UBE4B: variants seen among roughly 807,000 people sequenced by gnomAD.
UBE4B encodes the protein ubiquitination factor E4B.
UBE4B carries 27 observed loss-of-function variants against 148.1 expected under a neutral mutation model. The observed-to-expected ratio is 0.18, with a 90% CI of 0.13 to 0.25. The LOEUF (loss-of-function observed/expected upper bound fraction) is 0.25, where lower values mean the gene tolerates loss of function less well. Ranked by LOEUF, UBE4B falls within the 10% of genes least tolerant of loss-of-function variation. The pLI, the probability that UBE4B is intolerant of heterozygous loss-of-function variation, is 1.00. For synonymous variants in UBE4B, 596 were observed against 619.3 expected (o/e 0.96, Z 0.56); for missense variants, 1,170 against 1,662.4 (o/e 0.70, Z 5.15).
chr1:10,081,625 G>A (rs533629923), intron 2 of UBE4B, among the ~76,000 whole-genome samples: 1 of 151,220 alleles, frequency 6.6e-6, no homozygotes, highest in East Asian at 2.0e-4. Flanking sequence ...TTTCGCTCTT[G>A]TCACCTAGGC....
intron 2 of UBE4B, among the ~76,000 whole-genome samples, chr1:10,076,531 A>C (rs556825748): frequency 6.6e-6 from 1 of 151,984 alleles, no homozygotes; most frequent in African/African-American, 2.4e-5. Context: ...CACGTGAGCT[A>C]CCACGCCTGG....
At chr1:10,049,899 A>G (rs1415453901) in intron 1 of UBE4B, among the ~76,000 whole-genome samples, 2 of 152,112 alleles carry the variant, frequency 1.3e-5, no homozygotes, top group African/African-American at 4.8e-5. Flanking sequence ...TCTCAAAAAA[A>G]AAAAAAAAAA....
At chr1:10,167,927 A>AT (rs1232602498) in intron 23 of UBE4B, among the ~76,000 whole-genome samples, 1 of 152,146 alleles carries the variant, frequency 6.6e-6, no homozygotes, top group East Asian at 1.9e-4. Flanking sequence ...GCAGAGTTAA[A>AT]TAAGGCACCA....
At chr1:10,116,843 C>A (rs6669051) in intron 7 of UBE4B, among the ~76,000 whole-genome samples, 2 of 152,208 alleles carry the variant, frequency 1.3e-5, no homozygotes, top group Non-Finnish European at 2.9e-5. Context: ...CTAGAACCCA[C>A]GTCTGGTTAC....
intron 23 of UBE4B, among the ~76,000 whole-genome samples, chr1:10,166,074 A>C (rs1326700205): frequency 5.9e-5 from 9 of 152,114 alleles, no homozygotes; most frequent in African/African-American, 9.7e-5. Context: ...CAGGCCCCCC[A>C]GTATCCCTGC....
chr1:10,097,052 A>AAAAAAAAAAATAAT (rs554089049), intron 3 of UBE4B, among the ~76,000 whole-genome samples: 1 of 138,516 alleles, frequency 7.2e-6, no homozygotes, highest in African/African-American at 2.6e-5. Flanking sequence ...AAAAAAAAAA[A>AAAAAAAAAAATAAT]AATAATAATA....
chr1:10,137,140 C>T lies in UBE4B; in HGVS notation c.2298C>T (p.His766=), dbSNP rs1450105468. 4 of 1,614,046 alleles carry T rather than the reference C, an allele frequency of 2.5e-6. No individual in the cohort carries two copies. Among genetic ancestry groups the T allele is most frequent in the South Asian group, 2.2e-5 (2 of 91,086 alleles). ...ECFFLTLHAH[H]LSILPSCRRY... ...TCTTTCTCACCCTGCATGCTCACCA[C>T]CTCTCTATTCTGCCTAGTTGCCGTC... Residue 766 remains histidine, a synonymous_variant, in exon 17 of 28, where the codon CAC becomes CAT. Transcript: ENST00000343090.
chr1:10,180,084 C>T lies in UBE4B; in HGVS notation c.*128C>T. ...GTGGCAAACCAACCCCAGGCCCACC[C>T]AGAGCGAGCAAACGCTGAGACCTGA... is the stretch of plus-strand genomic sequence containing the variant. On this transcript the variant is annotated 3_prime_UTR_variant, in exon 28 of 28. Coordinates refer to ENST00000343090, the MANE Select transcript of UBE4B (RefSeq NM_001105562.3). 1 of 1,159,116 alleles carries T rather than the reference C, an allele frequency of 8.6e-7. No individual in the cohort carries two copies. Among genetic ancestry groups the T allele is most frequent in the Non-Finnish European group, 1.2e-6 (1 of 802,186 alleles). 71.8% of individuals were successfully genotyped at this position (1,159,116 alleles called of 1,614,324 possible). A position where few individuals can be genotyped will look rare whatever the true frequency, so the allele number is the denominator to read the frequency against.
chr1:10,107,468 G>A, intron 7 of UBE4B: 2 of 1,208,558 alleles, frequency 1.7e-6, no homozygotes, highest in South Asian at 3.0e-5. Flanking sequence ...TTGAATCCAG[G>A]CAGGATAGGG....
chr1:10,178,362 G>A (rs1045957779), intron 25 of UBE4B, among the ~76,000 whole-genome samples: 3 of 151,930 alleles, frequency 2.0e-5, no homozygotes, highest in Non-Finnish European at 2.9e-5. Flanking sequence ...AAAAAAGCCC[G>A]TCTGCCTCAG....
chr1:10,076,063 T>G (rs1019100861), intron 2 of UBE4B, among the ~76,000 whole-genome samples: 3 of 151,890 alleles, frequency 2.0e-5, no homozygotes, highest in Non-Finnish European at 2.9e-5. Context: ...AAAAAGAAAT[T>G]TCAAGAAAAT....
At chr1:10,055,687 A>G (rs962893635) in intron 1 of UBE4B, among the ~76,000 whole-genome samples, 2 of 152,182 alleles carry the variant, frequency 1.3e-5, no homozygotes, top group Admixed American at 6.6e-5. Flanking sequence ...TGGGAGGCCA[A>G]GGTGGGCAGA....
chr1:10,147,144 CTT>C (rs1270848945), intron 19 of UBE4B, 54 bp downstream of exon 19: 1 of 1,606,834 alleles, frequency 6.2e-7, no homozygotes, highest in Non-Finnish European at 8.5e-7. Context: ...GCTCTGTTGT[CTT>C]TATTGTCCTT....
At chr1:10,041,263 C>G (rs1369076560) in intron 1 of UBE4B, among the ~76,000 whole-genome samples, 1 of 151,568 alleles carries the variant, frequency 6.6e-6, no homozygotes, top group Admixed American at 6.6e-5. Flanking sequence ...GGTTCTGACT[C>G]CAGAGTTTTC....
At chr1:10,175,106 C>T (rs1471014822) in intron 25 of UBE4B, among the ~76,000 whole-genome samples, 1 of 152,054 alleles carries the variant, frequency 6.6e-6, no homozygotes, top group African/African-American at 2.4e-5. Context: ...CAGAAAGGTG[C>T]CTGGGTGAAG....
chr1:10,093,229 C>G lies in UBE4B; in HGVS notation c.212-2232C>G, dbSNP rs563456029. On this transcript the variant is annotated intron_variant, in intron 2 of 27. Coordinates refer to ENST00000343090, the MANE Select transcript of UBE4B (RefSeq NM_001105562.3). ...GAAGTTTATTATTGATTAATTTTAA[C>G]TAAAAAGTTACTTGGCCTTTAATTG... is the stretch of plus-strand genomic sequence containing the variant. 6.6e-5 allele frequency among the ~76,000 whole-genome samples: 10 copies of G among 152,262 alleles called. No homozygotes were observed. In the East Asian group the frequency reaches 1.9e-3, roughly 29 times the overall value.
chr1:10,137,438 T>G (rs1222011287), intron 17 of UBE4B, among the ~76,000 whole-genome samples: 1 of 152,214 alleles, frequency 6.6e-6, no homozygotes, highest in Non-Finnish European at 1.5e-5. Flanking sequence ...TATTTCACTC[T>G]GTTTATGGTT....
rs942047004 is a variant in UBE4B at position 10,117,446 on chromosome 1, G to C, written c.1197-13G>C. 1.9e-6 allele frequency: 3 copies of C among 1,604,136 alleles called. No individual in the cohort carries two copies. The highest frequency in any genetic ancestry group is 2.2e-5 in the South Asian group (2 of 89,012). The stretch of plus-strand genomic sequence containing the variant: ...GAGATAAGAATCAGAATTTCTTCTT[G>C]TCTTCTCTGAAGTTTGGGAGCCTCT... On this transcript the variant is annotated splice_polypyrimidine_tract_variant and intron_variant, in intron 7 of 27. Coordinates refer to ENST00000343090, the MANE Select transcript of UBE4B (RefSeq NM_001105562.3).
chr1:10,052,688 GC>G (rs1420915305), intron 1 of UBE4B, among the ~76,000 whole-genome samples: 1 of 152,170 alleles, frequency 6.6e-6, no homozygotes, highest in Non-Finnish European at 1.5e-5. Context: ...TTGTCATGGG[GC>G]CCTGAACATT....
Sources: allele counts gnomAD v4.1 joint callset (sites outside exome capture counted in the v4.1 genomes callset), GRCh38; gene constraint gnomAD v4.1.1; transcripts MANE v1.5; gene names NCBI Gene and HGNC (gene_info 2026-07-23, HGNC 2026-07-21).